The following VAV1 variants were observed in gnomAD, a reference collection of about 807,000 sequenced individuals.
The protein encoded by VAV1 is vav guanine nucleotide exchange factor 1.
A neutral mutation model predicts 128.1 loss-of-function variants in VAV1; 33 were observed. That is an observed-to-expected ratio of 0.26 (90% CI 0.20 to 0.34). The LOEUF (loss-of-function observed/expected upper bound fraction) is 0.34. VAV1 is among the 10% of genes least tolerant of loss of function. The pLI, the probability that VAV1 is intolerant of heterozygous loss-of-function variation, is 1.00. For synonymous variants in VAV1, 394 were observed against 409.8 expected (o/e 0.96, Z 0.47); for missense variants, 715 against 1,093.7 (o/e 0.65, Z 4.88).
intron 14 of VAV1, among the ~76,000 whole-genome samples, chr19:6,831,547 C>T (rs1048198425): frequency 1.3e-5 from 2 of 152,124 alleles, no homozygotes; most frequent in Non-Finnish European, 2.9e-5. Context: ...CTCCTGACCT[C>T]GTGATCCGCC....
chr19:6,800,674 T>G (rs1971245577), intron 1 of VAV1, among the ~76,000 whole-genome samples: 1 of 151,720 alleles, frequency 6.6e-6, no homozygotes, highest in Non-Finnish European at 1.5e-5. Flanking sequence ...GCCCAGGCTG[T>G]GCAGTGGCGT....
At chr19:6,796,355 G>A (rs1027295972) in intron 1 of VAV1, among the ~76,000 whole-genome samples, 2 of 151,862 alleles carry the variant, frequency 1.3e-5, no homozygotes, top group Non-Finnish European at 2.9e-5. Flanking sequence ...TGCTTGGGGT[G>A]ACAGCCACTT....
intron 18 of VAV1, 62 bp from the exon 19 acceptor site, chr19:6,833,845 AG>A: frequency 4.3e-6 from 7 of 1,612,808 alleles, no homozygotes; most frequent in Non-Finnish European, 5.9e-6. Context: ...GAGGAGAGTA[AG>A]GGGGCCTACA....
chr19:6,799,420 G>A (rs558978422), intron 1 of VAV1, among the ~76,000 whole-genome samples: 10 of 152,070 alleles, frequency 6.6e-5, no homozygotes, highest in Admixed American at 1.3e-4. Context: ...TGCCCACCTC[G>A]GCCTCCCAAA....
At position 6,826,956 on chromosome 19, in the gene VAV1, C is replaced by A; in HGVS notation, c.927+245C>A. 2 of 546,870 alleles carry A rather than the reference C, an allele frequency of 3.7e-6. No homozygotes were observed. Among genetic ancestry groups the A allele is most frequent in the South Asian group, 4.2e-5 (2 of 47,356 alleles). 33.9% of individuals were successfully genotyped at this position (546,870 alleles called of 1,614,324 possible). ...TGAAGTCCTGACCCTGAACTGAGCT[C>A]TGATCTCACACTCAACCCCAGCCCT... On this transcript the variant is annotated intron_variant, in intron 9 of 26. Coordinates refer to ENST00000602142, the MANE Select transcript of VAV1 (RefSeq NM_005428.4). This position sits in a 1 kb window ranked among gnomAD's most constrained non-coding sequence, Gnocchi z 4.1.
chr19:6,798,819 T>A (rs573152237), intron 1 of VAV1, among the ~76,000 whole-genome samples: 4 of 152,094 alleles, frequency 2.6e-5, no homozygotes, highest in Non-Finnish European at 5.9e-5. Context: ...CCTGATTTGA[T>A]AAATTTTGAC....
At chr19:6,815,871 G>A (rs892738719) in intron 1 of VAV1, among the ~76,000 whole-genome samples, 8 of 152,140 alleles carry the variant, frequency 5.3e-5, no homozygotes, top group Non-Finnish European at 1.0e-4. Context: ...TACACACAAG[G>A]TAAAGAGAAA....
chr19:6,846,799 ATAGT>A (rs1282520752), intron 22 of VAV1, among the ~76,000 whole-genome samples: 18 of 147,682 alleles, frequency 1.2e-4, no homozygotes, highest in African/African-American at 4.2e-4. Flanking sequence ...TCTACAATAG[ATAGT>A]TATATATTAT....
At chr19:6,788,635 A>G (rs1310301617) in intron 1 of VAV1, among the ~76,000 whole-genome samples, 1 of 152,018 alleles carries the variant, frequency 6.6e-6, no homozygotes, top group Non-Finnish European at 1.5e-5. Flanking sequence ...GGCCTCCCCA[A>G]GTGCTGGGAT....
At position 6,820,627 on chromosome 19, in the gene VAV1, G is replaced by A. The variant is rs1054813036; in HGVS notation, c.205-75G>A. The A allele has an allele frequency of 5.8e-6, 7 of 1,212,128 alleles. No individual in the cohort carries two copies. The African/African-American group carries it at 9.0e-5, about 16-fold the overall frequency. The allele number at this position is 1,212,128 out of a possible 1,614,324, so 75.1% of individuals were successfully genotyped here. A position where few individuals can be genotyped will look rare whatever the true frequency, so the allele number is the denominator to read the frequency against. ...ATTTCCCCTCCACACCAGTCCCCAA[G>A]CTAGGTGGCCTGGGGGTCAGTTTCT... On this transcript the variant is annotated intron_variant, in intron 1 of 26. Transcript: ENST00000602142. This position sits in a 1 kb window ranked among gnomAD's most constrained non-coding sequence, Gnocchi z 4.4.
chr19:6,809,085 T>G lies in VAV1; in HGVS notation c.205-11617T>G, dbSNP rs866084548. On this transcript the variant is annotated intron_variant, in intron 1 of 26. Transcript: ENST00000602142. The stretch of plus-strand genomic sequence containing the variant: ...ACTTAGAATCTACCTCTCTTTTTTT[T>G]TTTTTTTTTTTTTGAGATAGGGTCT... Among the ~76,000 whole-genome samples the G allele has an allele frequency of 3.1e-3, 465 of 149,576 alleles. 1 individual carries two copies. Among genetic ancestry groups the G allele is most frequent in the East Asian group, 0.011 (55 of 5,126 alleles).
chr19:6,804,658 C>T (rs1434705905), intron 1 of VAV1, among the ~76,000 whole-genome samples: 1 of 151,330 alleles, frequency 6.6e-6, no homozygotes, highest in Non-Finnish European at 1.5e-5. Flanking sequence ...CTCAGGTGTT[C>T]TGCCTGCCTT....
Position 6,801,248 on chromosome 19 carries a change from G to A in VAV1, c.205-19454G>A, listed in dbSNP as rs547428166. ...TCTGGGGTGCTGGGTTTCACACCAG[G>A]CTCTACCGCAAACATTGGGTCAAGT... On this transcript the variant is annotated intron_variant, in intron 1 of 26. Transcript: ENST00000602142. 3.3e-5 allele frequency among the ~76,000 whole-genome samples: 5 copies of A among 152,180 alleles called. No individual in the cohort carries two copies. In the East Asian group the frequency reaches 9.7e-4, roughly 29 times the overall value.
intron 22 of VAV1, among the ~76,000 whole-genome samples, chr19:6,847,379 G>C (rs1394105893): frequency 6.6e-6 from 1 of 152,016 alleles, no homozygotes; most frequent in Non-Finnish European, 1.5e-5. Context: ...GCGTGTTCTG[G>C]GCATTTCCTA....
At chr19:6,843,490 T>C (rs1972431919) in intron 22 of VAV1, among the ~76,000 whole-genome samples, 1 of 152,120 alleles carries the variant, frequency 6.6e-6, no homozygotes, top group Non-Finnish European at 1.5e-5. Flanking sequence ...TTTTGTTTGT[T>C]TGTTTGTTTT....
chr19:6,830,052 T>A, intron 14 of VAV1, 134 bp downstream of exon 14: 1 of 1,394,022 alleles, frequency 7.2e-7, no homozygotes, highest in Non-Finnish European at 9.7e-7. Flanking sequence ...AGGTGTTTTT[T>A]GTTTGTTTGT....
At chr19:6,837,986 C>T (rs554062564) in intron 21 of VAV1, among the ~76,000 whole-genome samples, 1 of 152,134 alleles carries the variant, frequency 6.6e-6, no homozygotes, top group Non-Finnish European at 1.5e-5. Context: ...GGTTTCTCCA[C>T]TGTCAAGTTA....
chr19:6,806,891 A>G (rs1269787817), intron 1 of VAV1, among the ~76,000 whole-genome samples: 1 of 152,240 alleles, frequency 6.6e-6, no homozygotes, highest in African/African-American at 2.4e-5. Flanking sequence ...GCGTCCCAGC[A>G]GCAGGGAATG....
rs1445447340 is a variant in VAV1, at chr19:6,857,330, G to A, written c.*223G>A. 3.5e-6 allele frequency: 2 copies of A among 571,446 alleles called. No homozygotes were observed. The highest frequency in any genetic ancestry group is 6.2e-6 in the Non-Finnish European group (2 of 323,702). 35.4% of individuals were successfully genotyped at this position (571,446 alleles called of 1,614,324 possible). A position where few individuals can be genotyped will look rare whatever the true frequency, so the allele number is the denominator to read the frequency against. On this transcript the variant is annotated 3_prime_UTR_variant, in exon 27 of 27. Transcript: ENST00000602142. ...TCCCCTCAAGCAGACGGGGCTCAAGGGGGTTACATTTAATAAAAGGATGAA... is the reference window on the plus strand; with the variant it reads ...TCCCCTCAAGCAGACGGGGCTCAAGAGGGTTACATTTAATAAAAGGATGAA...
Sources: allele counts gnomAD v4.1 joint callset (sites outside exome capture counted in the v4.1 genomes callset), GRCh38; gene constraint gnomAD v4.1.1; non-coding constraint Gnocchi (gnomAD v3.1); transcripts MANE v1.5; gene names NCBI Gene and HGNC (gene_info 2026-07-23, HGNC 2026-07-21).